ARHGEF28: variants seen among roughly 807,000 people sequenced by gnomAD.
The protein encoded by ARHGEF28 is 190 kDa guanine nucleotide exchange factor.
In ARHGEF28, 152 loss-of-function variants were observed where a neutral mutation model predicts 206.6. The observed-to-expected ratio is 0.74, with a 90% confidence interval of 0.64 to 0.84. ARHGEF28 has a LOEUF of 0.84. Ranked by LOEUF, ARHGEF28 falls within the 40% of genes least tolerant of loss-of-function variation. ARHGEF28 has a pLI of 0.00. For missense variants in ARHGEF28, 2,028 were observed against 2,073.2 expected (o/e 0.98, Z 0.42); for synonymous variants, 763 against 776.4 (o/e 0.98, Z 0.29).
chr5:73,815,130 G>A (rs1228151969), intron 9 of ARHGEF28, among the ~76,000 whole-genome samples: 1 of 151,680 alleles, frequency 6.6e-6, no homozygotes, highest in African/African-American at 2.4e-5. Context: ...ATCTTTGGTG[G>A]ATACAGTCGT....
rs1010930507 is a variant in ARHGEF28 at position 73,904,497 on chromosome 5, T to C, written c.4161+92T>C. 18 of 1,321,742 alleles carry C rather than the reference T, an allele frequency of 1.4e-5. No homozygotes were observed. The African/African-American group carries it at 2.5e-4, about 18-fold the overall frequency. 81.9% of individuals were successfully genotyped at this position (1,321,742 alleles called of 1,614,324 possible). A position where few individuals can be genotyped will look rare whatever the true frequency, so the allele number is the denominator to read the frequency against. ...CCCAGACTTTAAAAATGAGAACAAG[T>C]GAGAGGTAGGGAATGATCTTAAAAG... On this transcript the variant is annotated intron_variant, in intron 33 of 35. Coordinates refer to ENST00000513042, the MANE Select transcript of ARHGEF28 (RefSeq NM_001177693.2).
At chr5:73,806,475 ATATC>A (rs1482674193) in intron 9 of ARHGEF28, among the ~76,000 whole-genome samples, 10 of 119,868 alleles carry the variant, frequency 8.3e-5, no homozygotes, top group Non-Finnish European at 1.3e-4. Context: ...TATATAGTAT[ATATC>A]TATATATAGT....
At chr5:73,656,338 T>G (rs556374169) in intron 1 of ARHGEF28, among the ~76,000 whole-genome samples, 24 of 152,330 alleles carry the variant, frequency 1.6e-4, no homozygotes, top group African/African-American at 5.3e-4. Flanking sequence ...GTTACTGATT[T>G]CCATCCAAAA....
rs1762762263 is a variant in ARHGEF28, at chr5:73,909,629, A to G, written c.4379A>G (p.Gln1460Arg). The G allele has an allele frequency of 6.4e-7, 1 of 1,550,422 alleles. No individual in the cohort carries two copies. Among genetic ancestry groups the G allele is most frequent in the Non-Finnish European group, 8.7e-7 (1 of 1,147,128 alleles). The change falls in exon 34 of 36, where the codon CAG becomes CGG. Residue 1460 changes from glutamine (Q) to arginine (R), a missense_variant. Coordinates refer to ENST00000513042, the MANE Select transcript of ARHGEF28 (RefSeq NM_001177693.2). ...EQRRWLRRCEQQQRAQATRES... is the reference protein window; with the variant it reads ...EQRRWLRRCERQQRAQATRES... ...CGGCGCTGGCTGCGCAGGTGTGAGCAGCAGCAGCGGGCGCAGGCGACCAGG... is the reference window on the plus strand; with the variant it reads ...CGGCGCTGGCTGCGCAGGTGTGAGCGGCAGCAGCGGGCGCAGGCGACCAGG...
At chr5:73,661,201 A>C (rs183033339) in intron 1 of ARHGEF28, among the ~76,000 whole-genome samples, 2 of 152,182 alleles carry the variant, frequency 1.3e-5, no homozygotes, top group Admixed American at 1.3e-4. Context: ...TTGCACTTTG[A>C]TGTTCTGGAG....
intron 1 of ARHGEF28, among the ~76,000 whole-genome samples, chr5:73,650,277 CTTTTTTTTTT>C (rs138217794): frequency 4.3e-5 from 4 of 94,030 alleles, no homozygotes; most frequent in African/African-American, 1.3e-4. Flanking sequence ...TTCTTTCTTT[CTTTTTTTTTT>C]TTTTTTTTTT....
chr5:73,858,340 C>T (rs1031584673), intron 16 of ARHGEF28, 121 bp downstream of exon 16: 125 of 1,276,118 alleles, frequency 9.8e-5, no homozygotes, highest in Non-Finnish European at 1.2e-4. Flanking sequence ...ATGACTGAAC[C>T]GTTTACCAAG....
chr5:73,855,757 C>T (rs919554556), intron 14 of ARHGEF28, among the ~76,000 whole-genome samples: 1 of 151,668 alleles, frequency 6.6e-6, no homozygotes, highest in Non-Finnish European at 1.5e-5. Context: ...GTTAAAGTGT[C>T]GTGTTGTAGA....
intron 29 of ARHGEF28, among the ~76,000 whole-genome samples, chr5:73,897,246 A>G (rs1762010343): frequency 6.6e-6 from 1 of 152,228 alleles, no homozygotes. Flanking sequence ...TAATGCTCTA[A>G]TAATGCTGAT....
intron 16 of ARHGEF28, 72 bp from the exon 17 acceptor site, chr5:73,864,745 A>G: frequency 7.7e-7 from 1 of 1,307,164 alleles, no homozygotes; most frequent in Non-Finnish European, 1.1e-6. Context: ...CAGTGAAAGC[A>G]TGATGTAGTC....
At chr5:73,754,382 C>T (rs1351806687) in intron 4 of ARHGEF28, among the ~76,000 whole-genome samples, 1 of 152,096 alleles carries the variant, frequency 6.6e-6, no homozygotes, top group South Asian at 2.1e-4. Context: ...TAGTCCAGCA[C>T]CGAGCCATGC....
intron 1 of ARHGEF28, among the ~76,000 whole-genome samples, chr5:73,679,287 C>A (rs1746913726): frequency 6.6e-6 from 1 of 152,192 alleles, no homozygotes; most frequent in Non-Finnish European, 1.5e-5. Flanking sequence ...TTGTTACTGG[C>A]TGGGCATGGT....
At chr5:73,752,134 T>C (rs1005622481) in intron 3 of ARHGEF28, among the ~76,000 whole-genome samples, 1 of 152,204 alleles carries the variant, frequency 6.6e-6, no homozygotes, top group South Asian at 2.1e-4. Flanking sequence ...ATCATGATCA[T>C]AGTGATTTGC....
At chr5:73,825,298 A>G (rs1329233227) in intron 9 of ARHGEF28, among the ~76,000 whole-genome samples, 1 of 152,222 alleles carries the variant, frequency 6.6e-6, no homozygotes, top group East Asian at 1.9e-4. Flanking sequence ...ACACTGGGGC[A>G]GAGATGAGAA....
intron 26 of ARHGEF28, among the ~76,000 whole-genome samples, chr5:73,889,114 G>T (rs897385629): frequency 6.6e-6 from 1 of 152,126 alleles, no homozygotes; most frequent in Non-Finnish European, 1.5e-5. Flanking sequence ...TAACACTGTA[G>T]GAAATTGAAG....
chr5:73,740,203 A>T (rs896914727), intron 2 of ARHGEF28, among the ~76,000 whole-genome samples: 1 of 151,442 alleles, frequency 6.6e-6, no homozygotes, highest in Non-Finnish European at 1.5e-5. Context: ...AAAGAAGGAG[A>T]AGCGAAAAAT....
chr5:73,739,598 C>T (rs1006869126), intron 2 of ARHGEF28, among the ~76,000 whole-genome samples: 1 of 151,756 alleles, frequency 6.6e-6, no homozygotes, highest in Non-Finnish European at 1.5e-5. Flanking sequence ...GCGGGCGGAT[C>T]GCTTGAGCCC....
chr5:73,819,199 G>A (rs1015923615), intron 9 of ARHGEF28, among the ~76,000 whole-genome samples: 4 of 152,198 alleles, frequency 2.6e-5, no homozygotes, highest in Non-Finnish European at 4.4e-5. Context: ...GATTCATGGC[G>A]ATACAGAAAT....
At chr5:73,695,846 C>T (rs1427296964) in intron 2 of ARHGEF28, among the ~76,000 whole-genome samples, 1 of 152,198 alleles carries the variant, frequency 6.6e-6, no homozygotes, top group Admixed American at 6.5e-5. Flanking sequence ...CTACATTCAT[C>T]TCGCAACTCG....
Sources: gnomAD v4.1 joint callset for allele counts (sites outside exome capture counted in the v4.1 genomes callset) on GRCh38, gnomAD v4.1.1 for gene constraint, MANE v1.5 for transcripts, NCBI Gene and HGNC (gene_info 2026-07-23, HGNC 2026-07-21) for gene names.